The following EDA2R variants were observed in gnomAD, a reference collection of about 807,000 sequenced individuals.
The protein encoded by EDA2R is tumor necrosis factor receptor superfamily member 27.
Under a neutral mutation model 20.1 loss-of-function variants are expected in EDA2R, and 26 were observed. The ratio of observed to expected loss-of-function variants is 1.30; its 90% confidence interval spans 0.95 to 1.80. The LOEUF is 1.80. EDA2R is among the 40% of genes most tolerant of loss of function. The probability of loss-of-function intolerance (pLI) is 0.00; values close to 1 mark genes in which losing one functional copy is unlikely to be tolerated. For synonymous variants in EDA2R, 114 were observed against 88.7 expected (o/e 1.29, Z -1.60); for missense variants, 277 against 228.7 (o/e 1.21, Z -1.36).
At chrX:66,624,626 G>T (rs778082460) in intron 1 of EDA2R, among the ~76,000 whole-genome samples, 7 of 111,965 alleles carry the variant, frequency 6.3e-5, no homozygotes, top group Non-Finnish European at 1.3e-4. Flanking sequence ...AGAGCTGGGG[G>T]ATCATCATGG....
rs186691097 is a variant in EDA2R at position 66,604,450 on chromosome X, G to A, written c.323C>T (p.Thr108Met). ...GLQDQECIPC[T>M]KQTPTSEVQC... ...AACCTCAGAGGTGGGGGTCTGCTTCGTGCACGGGATGCACTCTTGGTCCTG... is the reference window on the plus strand; with the variant it reads ...AACCTCAGAGGTGGGGGTCTGCTTCATGCACGGGATGCACTCTTGGTCCTG... Residue 108 changes from threonine (T) to methionine (M), a missense_variant, in exon 4 of 7, where the codon ACG (threonine) becomes ATG (methionine). Thr to Met is a moderately conservative substitution (Grantham distance 81). Transcript: ENST00000374719. 1.9e-4 allele frequency: 234 copies of A among 1,207,213 alleles called. No individual in the cohort carries two copies. The East Asian group carries it at 5.5e-3, about 28-fold the overall frequency.
At chrX:66,636,202 G>GA (rs1164882822) in intron 1 of EDA2R, among the ~76,000 whole-genome samples, 4 of 111,585 alleles carry the variant, frequency 3.6e-5, no homozygotes, top group Non-Finnish European at 7.5e-5. Context: ...TTCCTGACCA[G>GA]AAAAAAATAA....
Position 66,603,746 on chromosome X carries a change from A to G in EDA2R, c.352+675T>C, listed in dbSNP as rs188375791. The stretch of plus-strand genomic sequence containing the variant: ...TAATAGGACTCTGAGAGAATCTAGA[A>G]GAGAATTCCATTATATCTGTGGAAT... On this transcript the variant is annotated intron_variant, in intron 4 of 6. Transcript: ENST00000374719. 3.7e-4 allele frequency among the ~76,000 whole-genome samples: 42 copies of G among 112,276 alleles called. No homozygotes were observed. In the East Asian group the frequency reaches 0.01, roughly 27 times the overall value.
In EDA2R at chrX:66,602,660, G is replaced by A. The variant is rs1169329228; in HGVS notation, c.490C>T (p.Gln164Ter). Reference sequence around the variant, plus strand: ...CGCTGGCAATGTCTGTTGAAGAACTGCTTGCAGTAGAGGAAGAAGAGCCCC... The same window carrying A: ...CGCTGGCAATGTCTGTTGAAGAACTACTTGCAGTAGAGGAAGAAGAGCCCC... ...FLGLFFLYCK[Q>*]FFNRHCQRGG... Residue 164 changes from glutamine to a stop codon, truncating the protein, a stop_gained, in exon 5 of 7, where the codon CAG becomes TAG. Coordinates refer to ENST00000374719, the MANE Select transcript of EDA2R (RefSeq NM_021783.5). LOFTEE classifies it high-confidence loss of function. The A allele has an allele frequency of 8.3e-7, 1 of 1,200,997 alleles. No individual in the cohort carries two copies. The highest frequency in any genetic ancestry group is 1.8e-5 in the South Asian group (1 of 55,165).
At chrX:66,623,062 C>T (rs909288389) in intron 1 of EDA2R, among the ~76,000 whole-genome samples, 3 of 111,456 alleles carry the variant, frequency 2.7e-5, no homozygotes, top group Non-Finnish European at 5.7e-5. Flanking sequence ...TTGGGAGTGC[C>T]AAAAAATAGT....
In EDA2R at chrX:66,605,033, A is replaced by G. The variant is rs1396510878; in HGVS notation, c.266+15T>C. 2.5e-6 allele frequency: 3 copies of G among 1,188,996 alleles called. No homozygotes were observed. Among genetic ancestry groups the G allele is most frequent in the South Asian group, 3.8e-5 (2 of 52,386 alleles). On this transcript the variant is annotated intron_variant, in intron 3 of 6. Transcript: ENST00000374719. ...GAAAAGCCCAGACAAGCTTGGTCTC[A>G]TAAAGCAAGCTCACCTGGGCAAACA... is the stretch of plus-strand genomic sequence containing the variant.
chrX:66,621,130 A>C (rs1932548240), intron 1 of EDA2R, among the ~76,000 whole-genome samples: 1 of 110,719 alleles, frequency 9.0e-6, no homozygotes, highest in Admixed American at 9.6e-5. Flanking sequence ...TACAAAAATT[A>C]GCCGGGGATG....
Position 66,625,102 on chromosome X carries a change from C to A in EDA2R, c.-10-9072G>T, listed in dbSNP as rs1342143802. On this transcript the variant is annotated intron_variant, in intron 1 of 6. Transcript: ENST00000374719. ...GTCGCCAGAGGCACAGGGGAAAATG[C>A]CACGGGGAAAAGGAAGTCTCCAGCT... Among the ~76,000 whole-genome samples the A allele has an allele frequency of 8.1e-5, 9 of 111,720 alleles. No individual in the cohort carries two copies. In the East Asian group the frequency reaches 2.6e-3, roughly 32 times the overall value.
At chrX:66,623,067 A>G (rs1932799557) in intron 1 of EDA2R, among the ~76,000 whole-genome samples, 1 of 111,859 alleles carries the variant, frequency 8.9e-6, no homozygotes, top group Non-Finnish European at 1.9e-5. Context: ...AGTGCCAAAA[A>G]ATAGTGACAC....
At chrX:66,600,155 T>G in intron 5 of EDA2R, 8 of 882,412 alleles carry the variant, frequency 9.1e-6, no homozygotes, top group Admixed American at 3.0e-5. Flanking sequence ...CTTGCCATAA[T>G]CTTCATGGCC....
intron 5 of EDA2R, among the ~76,000 whole-genome samples, chrX:66,600,873 TAGA>T (rs1208209211): frequency 8.9e-6 from 1 of 112,204 alleles, no homozygotes; most frequent in African/African-American, 3.2e-5. Flanking sequence ...CTTGAAAATG[TAGA>T]AGATCTTGCA....
At position 66,597,948 on chromosome X, in the gene EDA2R, T is replaced by A; in HGVS notation, c.*156A>T. The A allele has an allele frequency of 1.4e-6, 1 of 735,794 alleles. No homozygotes were observed. The highest frequency in any genetic ancestry group is 1.8e-6 in the Non-Finnish European group (1 of 567,521). The allele number at this position is 735,794 out of a possible 1,213,427, so 60.6% of individuals were successfully genotyped here. A position where few individuals can be genotyped will look rare whatever the true frequency, so the allele number is the denominator to read the frequency against. On this transcript the variant is annotated 3_prime_UTR_variant, in exon 7 of 7. Transcript: ENST00000374719. The stretch of plus-strand genomic sequence containing the variant: ...CAGTCCTTGTGAAATGGAGAATCAA[T>A]CCTCTGGTGGGATGGGATAGGATAT...
intron 1 of EDA2R, among the ~76,000 whole-genome samples, chrX:66,618,278 A>C (rs1459796893): frequency 8.9e-6 from 1 of 112,028 alleles, no homozygotes; most frequent in African/African-American, 3.2e-5. Flanking sequence ...ATTAAAGAGA[A>C]CAAAATTATA....
At chrX:66,625,106 G>A (rs904848273) in intron 1 of EDA2R, among the ~76,000 whole-genome samples, 4 of 111,801 alleles carry the variant, frequency 3.6e-5, no homozygotes, top group African/African-American at 9.8e-5. Flanking sequence ...AAAATGCCAC[G>A]GGGAAAAGGA....
intron 1 of EDA2R, among the ~76,000 whole-genome samples, chrX:66,616,635 A>G (rs1210421687): frequency 8.9e-6 from 1 of 112,543 alleles, no homozygotes; most frequent in African/African-American, 3.2e-5. Context: ...CTTAGGCAGA[A>G]TGGGAGGGGA....
At chrX:66,635,595 C>CT (rs992953975) in intron 1 of EDA2R, among the ~76,000 whole-genome samples, 14 of 111,958 alleles carry the variant, frequency 1.3e-4, no homozygotes, top group African/African-American at 4.2e-4. Flanking sequence ...GAGGATCCCT[C>CT]TTTTTTTTGA....
chrX:66,616,644 G>A (rs1441153230), intron 1 of EDA2R, among the ~76,000 whole-genome samples: 2 of 112,528 alleles, frequency 1.8e-5, no homozygotes, highest in Non-Finnish European at 3.8e-5. Flanking sequence ...AATGGGAGGG[G>A]AGAATAACCC....
chrX:66,604,096 T>C (rs1929185345), intron 4 of EDA2R, among the ~76,000 whole-genome samples: 2 of 111,440 alleles, frequency 1.8e-5, no homozygotes, highest in Admixed American at 1.9e-4. Context: ...TAATATCTCA[T>C]AGGTTTACAA....
chrX:66,604,929 A>C (rs1929377068), intron 3 of EDA2R, 119 bp downstream of exon 3: 4 of 683,960 alleles, frequency 5.8e-6, no homozygotes, highest in Non-Finnish European at 8.5e-6. Context: ...CTGGGAGCTT[A>C]AACTGAATAT....
Sources: allele counts gnomAD v4.1 joint callset (sites outside exome capture counted in the v4.1 genomes callset), GRCh38; gene constraint gnomAD v4.1.1; transcripts MANE v1.5; gene names NCBI Gene and HGNC (gene_info 2026-07-23, HGNC 2026-07-21).